Variants in FAT3 observed in about 807,000 individuals in gnomAD.
FAT3 encodes the protein protocadherin Fat 3.
A neutral mutation model predicts 310.2 loss-of-function variants in FAT3; 95 were observed. The ratio of observed to expected loss-of-function variants is 0.31; its 90% CI spans 0.26 to 0.36. FAT3 has a LOEUF of 0.36. Ranked by LOEUF, FAT3 falls within the 10% of genes least tolerant of loss-of-function variation. FAT3 has a pLI of 1.00. For missense variants in FAT3, 5,408 were observed against 5,715.6 expected (o/e 0.95, Z 1.74); for synonymous variants, 2,314 against 2,192.9 (o/e 1.06, Z -1.54).
At chr11:92,284,796 G>T (rs191551472) in intron 1 of FAT3, among the ~76,000 whole-genome samples, 1 of 152,252 alleles carries the variant, frequency 6.6e-6, no homozygotes, top group Non-Finnish European at 1.5e-5. Flanking sequence ...CTACAGGATG[G>T]CCAGACTGTC....
chr11:92,460,619 T>G (rs1383039576), intron 2 of FAT3, among the ~76,000 whole-genome samples: 1 of 152,170 alleles, frequency 6.6e-6, no homozygotes, highest in African/African-American at 2.4e-5. Context: ...TGCAGCCCAG[T>G]GATACAGAGC....
At chr11:92,676,060 G>A (rs924280895) in intron 3 of FAT3, among the ~76,000 whole-genome samples, 2 of 152,136 alleles carry the variant, frequency 1.3e-5, no homozygotes, top group African/African-American at 2.4e-5. Context: ...TAGAGATGGA[G>A]GCCACAGAGA....
chr11:92,708,540 A>G (rs563068109), intron 4 of FAT3, among the ~76,000 whole-genome samples: 7 of 152,338 alleles, frequency 4.6e-5, no homozygotes, highest in Admixed American at 1.3e-4. Flanking sequence ...CATGCATTGC[A>G]CATGTTAAGT....
chr11:92,678,105 A>G (rs1394683421), intron 3 of FAT3, among the ~76,000 whole-genome samples: 1 of 152,068 alleles, frequency 6.6e-6, no homozygotes, highest in Non-Finnish European at 1.5e-5. Flanking sequence ...ACTACAAATC[A>G]CCCTGTGCAA....
intron 3 of FAT3, among the ~76,000 whole-genome samples, chr11:92,665,286 G>A (rs1342237523): frequency 5.9e-5 from 9 of 152,086 alleles, no homozygotes; most frequent in Admixed American, 5.9e-4. Flanking sequence ...AGAGACGAAC[G>A]GTTGACCAGA....
intron 22 of FAT3, among the ~76,000 whole-genome samples, chr11:92,873,935 C>G (rs1352346936): frequency 6.6e-6 from 1 of 152,206 alleles, no homozygotes; most frequent in South Asian, 2.1e-4. Context: ...ACTGTGTAAC[C>G]TCGTGAAACC....
At position 92,534,430 on chromosome 11, in the gene FAT3, A is replaced by C. The variant is rs535147227; in HGVS notation, c.3607+9482A>C. On this transcript the variant is annotated intron_variant, in intron 3 of 27. Coordinates refer to ENST00000525166, the MANE Select transcript of FAT3 (RefSeq NM_001367949.2). The stretch of plus-strand genomic sequence containing the variant: ...AATTTGAAAAACATGAGCAAACTAA[A>C]TAAATAATTAATGATCCTAGAACTT... 6.6e-5 allele frequency among the ~76,000 whole-genome samples: 10 copies of C among 152,320 alleles called. No homozygotes were observed. The South Asian group carries it at 1.9e-3, about 28-fold the overall frequency.
chr11:92,486,130 G>GTTTTTTTTTTTTTT lies in FAT3; in HGVS notation c.3293-38489_3293-38476dup, dbSNP rs71064714. On this transcript the variant is annotated intron_variant, in intron 2 of 27. Coordinates refer to ENST00000525166, the MANE Select transcript of FAT3 (RefSeq NM_001367949.2). ...GTGAAATAGAGGAGAGGCTGCTGGGGTTTTTTTTTTTTTTTTTTTTTTTTT... is the reference window on the plus strand; with the variant it reads ...GTGAAATAGAGGAGAGGCTGCTGGGGTTTTTTTTTTTTTTTTTTTTTTTTTTTTTTTTTTTTTTT... Among the ~76,000 whole-genome samples, 57 of 37,138 alleles carry GTTTTTTTTTTTTTT rather than the reference G, an allele frequency of 1.5e-3. 3 individuals carry two copies. The highest frequency in any genetic ancestry group is 3.0e-3 in the East Asian group (2 of 676). The allele number at this position is 37,138 out of a possible 152,430, so 24.4% of individuals were successfully genotyped here.
At chr11:92,478,075 C>G (rs1407508022) in intron 2 of FAT3, among the ~76,000 whole-genome samples, 1 of 152,210 alleles carries the variant, frequency 6.6e-6, no homozygotes, top group East Asian at 1.9e-4. Flanking sequence ...TTATTTAAGA[C>G]AGCTAGCTAT....
At chr11:92,294,618 A>G (rs570875831) in intron 1 of FAT3, among the ~76,000 whole-genome samples, 2 of 152,008 alleles carry the variant, frequency 1.3e-5, no homozygotes, top group East Asian at 1.9e-4. Context: ...AGTTCATTCT[A>G]TGTTGTTGTC....
In FAT3 at chr11:92,352,962, G is replaced by A. The variant is rs368166679; in HGVS notation, c.850G>A (p.Val284Met). Residue 284 changes from valine to methionine, a missense_variant, in exon 2 of 28, where the codon GTG becomes ATG. Physicochemically the swap from Val to Met is conservative, Grantham distance 21 (BLOSUM62 1). Coordinates refer to ENST00000525166, the MANE Select transcript of FAT3 (RefSeq NM_001367949.2). ...GTTGGAAAAAGAGCCAACATATGCAGTGGTGACAGTTGATGACTTAGATGA... is the reference window on the plus strand; with the variant it reads ...GTTGGAAAAAGAGCCAACATATGCAATGGTGACAGTTGATGACTTAGATGA... ...FSLEKEPTYA[V>M]VTVDDLDDGA... The A allele has an allele frequency of 1.7e-5, 28 of 1,613,816 alleles. No homozygotes were observed. In the African/African-American group the frequency reaches 2.9e-4, roughly 17 times the overall value.
At chr11:92,863,112 T>A (rs535242332) in intron 21 of FAT3, among the ~76,000 whole-genome samples, 54 of 152,328 alleles carry the variant, frequency 3.5e-4, no homozygotes, top group African/African-American at 1.2e-3. Flanking sequence ...TATTTTTGTT[T>A]GTGGGTTTTT....
chr11:92,352,370 A>G lies in FAT3; in HGVS notation c.258A>G (p.Gly86=), dbSNP rs756831292. Reference sequence around the variant, plus strand: ...ATATCAAATACAGAATAGTGTCCGGAGACGAGGAAGGCTTTTTCAAAGCAG... The same window carrying G: ...ATATCAAATACAGAATAGTGTCCGGGGACGAGGAAGGCTTTTTCAAAGCAG... ...SWDIKYRIVS[G]DEEGFFKAEE... The change falls in exon 2 of 28, where the codon GGA becomes GGG. Residue 86 remains glycine, a synonymous_variant. Transcript: ENST00000525166. The G allele has an allele frequency of 1.9e-6, 3 of 1,605,690 alleles. No homozygotes were observed. The Admixed American group carries it at 5.0e-5, about 27-fold the overall frequency.
chr11:92,422,877 G>A (rs1483442996), intron 2 of FAT3, among the ~76,000 whole-genome samples: 1 of 152,104 alleles, frequency 6.6e-6, no homozygotes, highest in Non-Finnish European at 1.5e-5. Context: ...CAAATCAGTT[G>A]TCTTGCAAGG....
At chr11:92,505,778 A>G (rs183212130) in intron 2 of FAT3, among the ~76,000 whole-genome samples, 1 of 152,286 alleles carries the variant, frequency 6.6e-6, no homozygotes, top group Admixed American at 6.5e-5. Context: ...CTTCCTGCAC[A>G]GTCAGGAGTC....
rs1264115480 is a variant in FAT3 at position 92,806,520 on chromosome 11, G to T, written c.9247+5G>T. 1 of 1,538,596 alleles carries T rather than the reference G, an allele frequency of 6.5e-7. No homozygotes were observed. Among genetic ancestry groups the T allele is most frequent in the East Asian group, 2.4e-5 (1 of 41,888 alleles). ...TTTTTCTAGATCCAGAAAGTGGTAAGCTAAAATTTATTATTGAGATAAATG... is the reference window on the plus strand; with the variant it reads ...TTTTTCTAGATCCAGAAAGTGGTAATCTAAAATTTATTATTGAGATAAATG... On this transcript the variant is annotated splice_donor_5th_base_variant and intron_variant, in intron 12 of 27. Coordinates refer to ENST00000525166, the MANE Select transcript of FAT3 (RefSeq NM_001367949.2).
At chr11:92,287,838 C>T (rs1870298) in intron 1 of FAT3, among the ~76,000 whole-genome samples, 102,621 of 151,890 alleles carry the variant, frequency 0.68, 34,758 homozygotes, top group Admixed American at 0.69. Flanking sequence ...TCTTCTAGAA[C>T]TGTGCTGCTG....
intron 2 of FAT3, among the ~76,000 whole-genome samples, chr11:92,364,054 T>C (rs1948951322): frequency 6.6e-6 from 1 of 152,134 alleles, no homozygotes; most frequent in South Asian, 2.1e-4. Flanking sequence ...AATTATGTCT[T>C]CATTGTGTAT....
chr11:92,840,484 T>C (rs1045063515), intron 17 of FAT3, 78 bp from the exon 18 acceptor site: 35 of 1,271,420 alleles, frequency 2.8e-5, no homozygotes, highest in Non-Finnish European at 3.3e-5. Flanking sequence ...TATTTTTGAT[T>C]TGTTTTGTTT....
Sources: gnomAD v4.1 joint callset for allele counts (sites outside exome capture counted in the v4.1 genomes callset) on GRCh38, gnomAD v4.1.1 for gene constraint, MANE v1.5 for transcripts, NCBI Gene and HGNC (gene_info 2026-07-23, HGNC 2026-07-21) for gene names.